SLC25A12: variants seen among roughly 807,000 people sequenced by gnomAD.
SLC25A12 encodes solute carrier family 25 member 12, also known as electrogenic aspartate/glutamate antiporter SLC25A12, mitochondrial.
SLC25A12 carries 32 observed loss-of-function variants against 83.3 expected under a neutral mutation model. That is an observed-to-expected ratio of 0.38 (90% CI 0.29 to 0.52). The LOEUF (loss-of-function observed/expected upper bound fraction) is 0.52, where lower values mean the gene tolerates loss of function less well. Ranked by LOEUF, SLC25A12 falls within the 20% of genes least tolerant of loss-of-function variation. The pLI is 0.84. For missense variants in SLC25A12, 611 were observed against 835.6 expected, an observed-to-expected ratio of 0.73 and a Z score of 3.31; for synonymous variants, 267 against 291.1, an observed-to-expected ratio of 0.92 and a Z score of 0.84.
intron 13 of SLC25A12, among the ~76,000 whole-genome samples, chr2:171,801,248 T>C (rs1228684911): frequency 6.6e-6 from 1 of 152,170 alleles, no homozygotes; most frequent in Admixed American, 6.6e-5. Flanking sequence ...CATCATAGAA[T>C]AAAAGGACTT....
intron 4 of SLC25A12, among the ~76,000 whole-genome samples, chr2:171,847,148 T>A (rs1573978925): frequency 6.6e-6 from 1 of 152,322 alleles, no homozygotes; most frequent in Non-Finnish European, 1.5e-5. Flanking sequence ...AGGGTTTTTT[T>A]AAGACACATC....
intron 2 of SLC25A12, among the ~76,000 whole-genome samples, chr2:171,889,443 A>G (rs1333206365): frequency 1.3e-5 from 2 of 152,138 alleles, no homozygotes; most frequent in Non-Finnish European, 2.9e-5. Context: ...ATTAATTCTC[A>G]AAAGTATTAC....
chr2:171,838,966 A>AG (rs1684616079), intron 5 of SLC25A12, among the ~76,000 whole-genome samples: 1 of 152,212 alleles, frequency 6.6e-6, no homozygotes, highest in Non-Finnish European at 1.5e-5. Flanking sequence ...AAATAAAATT[A>AG]ATGACTTAAA....
chr2:171,826,772 G>C (rs1407924102), intron 9 of SLC25A12, 26 bp downstream of exon 9: 1 of 1,316,788 alleles, frequency 7.6e-7, no homozygotes, highest in South Asian at 1.2e-5. Context: ...TTTTTAAGGT[G>C]ATCATATTTA....
chr2:171,866,877 G>C (rs1404247896), intron 3 of SLC25A12, among the ~76,000 whole-genome samples: 4 of 151,108 alleles, frequency 2.6e-5, no homozygotes, highest in African/African-American at 9.7e-5. Context: ...CTTCCCAGAC[G>C]GGGCGGCTGC....
Position 171,805,258 on chromosome 2 carries a change from G to A in SLC25A12, c.1305+4348C>T, listed in dbSNP as rs556129780. On this transcript the variant is annotated intron_variant, in intron 13 of 17. Coordinates refer to ENST00000422440, the MANE Select transcript of SLC25A12 (RefSeq NM_003705.5). ...CAAGTAGCTGGGACTGTAGGAACGCGCCACTTCACCTGGCTAATTTTTTTG... is the reference window on the plus strand; with the variant it reads ...CAAGTAGCTGGGACTGTAGGAACGCACCACTTCACCTGGCTAATTTTTTTG... Among the ~76,000 whole-genome samples, 14 of 152,034 alleles carry A rather than the reference G, an allele frequency of 9.2e-5. No homozygotes were observed. In the East Asian group the frequency reaches 1.2e-3, roughly 13 times the overall value.
At chr2:171,879,300 A>T (rs1685639145) in intron 2 of SLC25A12, among the ~76,000 whole-genome samples, 1 of 148,834 alleles carries the variant, frequency 6.7e-6, no homozygotes, top group African/African-American at 2.6e-5. Flanking sequence ...TGATTTTGCT[A>T]AAAAAATATT....
intron 2 of SLC25A12, chr2:171,871,789 G>C: frequency 2.1e-6 from 2 of 965,682 alleles, no homozygotes; most frequent in Non-Finnish European, 2.5e-6. Context: ...ATAAAGTTCA[G>C]ACTCTTCTGT....
chr2:171,862,806 G>A (rs1685191755), intron 3 of SLC25A12, among the ~76,000 whole-genome samples: 1 of 152,182 alleles, frequency 6.6e-6, no homozygotes, highest in African/African-American at 2.4e-5. Flanking sequence ...ACATTTTGGA[G>A]CAGGAAACAA....
chr2:171,830,460 T>C (rs1159394495), intron 8 of SLC25A12, among the ~76,000 whole-genome samples: 1 of 152,194 alleles, frequency 6.6e-6, no homozygotes, highest in Non-Finnish European at 1.5e-5. Context: ...TTTTAAAGCA[T>C]AAAGAAATTT....
At chr2:171,833,343 A>G (rs978761538) in intron 8 of SLC25A12, among the ~76,000 whole-genome samples, 8 of 152,186 alleles carry the variant, frequency 5.3e-5, no homozygotes, top group Admixed American at 4.6e-4. Context: ...GAAATGAGGC[A>G]GAAGAACAGT....
intron 5 of SLC25A12, among the ~76,000 whole-genome samples, chr2:171,839,449 T>C (rs184212743): frequency 6.6e-6 from 1 of 152,304 alleles, no homozygotes; most frequent in East Asian, 1.9e-4. Flanking sequence ...GAAAGGCAGT[T>C]ATGCTGAAGG....
Position 171,784,750 on chromosome 2 carries a change from C to A in SLC25A12, c.*524G>T. The A allele has an allele frequency of 5.9e-6, 1 of 170,108 alleles. No individual in the cohort carries two copies. Among genetic ancestry groups the A allele is most frequent in the Non-Finnish European group, 1.3e-5 (1 of 77,726 alleles). The allele number at this position is 170,108 out of a possible 1,614,324, so 10.5% of individuals were successfully genotyped here. ...TTTATCAGCAAATACCTTTTTATTCCAGAATGGAAAACAAACTAGGAATTA... is the reference window on the plus strand; with the variant it reads ...TTTATCAGCAAATACCTTTTTATTCAAGAATGGAAAACAAACTAGGAATTA... On this transcript the variant is annotated 3_prime_UTR_variant, in exon 18 of 18. Transcript: ENST00000422440.
chr2:171,871,979 A>G (rs1396710377), intron 2 of SLC25A12, among the ~76,000 whole-genome samples: 2 of 58,186 alleles, frequency 3.4e-5, no homozygotes, highest in Admixed American at 2.6e-4. Flanking sequence ...CTATAGAACA[A>G]AAATAAAAAG....
chr2:171,833,112 A>C (rs1449258583), intron 8 of SLC25A12, among the ~76,000 whole-genome samples: 1 of 152,118 alleles, frequency 6.6e-6, no homozygotes, highest in Non-Finnish European at 1.5e-5. Flanking sequence ...GAGACGATTA[A>C]GCTTCAAATG....
At chr2:171,833,655 T>C (rs1360369329) in intron 8 of SLC25A12, among the ~76,000 whole-genome samples, 1 of 152,114 alleles carries the variant, frequency 6.6e-6, no homozygotes, top group Non-Finnish European at 1.5e-5. Flanking sequence ...CTCATGCATC[T>C]CAACCCCTTA....
chr2:171,806,667 G>C (rs1412162471), intron 13 of SLC25A12, among the ~76,000 whole-genome samples: 1 of 152,126 alleles, frequency 6.6e-6, no homozygotes, highest in African/African-American at 2.4e-5. Context: ...CTAGGTCCTA[G>C]CTAATCCTTC....
intron 2 of SLC25A12, among the ~76,000 whole-genome samples, chr2:171,872,311 A>C (rs1318787611): frequency 2.0e-5 from 3 of 152,252 alleles, no homozygotes; most frequent in Admixed American, 6.5e-5. Context: ...ACATAGGATA[A>C]AGAAAAAGCA....
chr2:171,858,058 G>T (rs1268362502), intron 3 of SLC25A12, among the ~76,000 whole-genome samples: 1 of 151,934 alleles, frequency 6.6e-6, no homozygotes, highest in East Asian at 1.9e-4. Context: ...ACCTTACAAA[G>T]CCAGCATATA....
Sources: allele counts gnomAD v4.1 joint callset (sites outside exome capture counted in the v4.1 genomes callset), GRCh38; gene constraint gnomAD v4.1.1; transcripts MANE v1.5; gene names NCBI Gene and HGNC (gene_info 2026-07-23, HGNC 2026-07-21).